Variants in PLCB1 observed in about 807,000 individuals in gnomAD.
PLCB1 encodes phospholipase C beta 1.
A neutral mutation model predicts 161.8 loss-of-function variants in PLCB1; 46 were observed. The ratio of observed to expected loss-of-function variants is 0.28; its 90% CI spans 0.22 to 0.36. The LOEUF (loss-of-function observed/expected upper bound fraction) is 0.36, where lower values mean the gene tolerates loss of function less well. Ranked by LOEUF, PLCB1 falls within the 10% of genes least tolerant of loss-of-function variation. The probability of loss-of-function intolerance (pLI) is 1.00; values close to 1 mark genes in which losing one functional copy is unlikely to be tolerated. For synonymous variants in PLCB1, 517 were observed against 503.7 expected (o/e 1.03, Z -0.35); for missense variants, 1,016 against 1,472.5 (o/e 0.69, Z 5.07).
chr20:8,616,782 A>C (rs914033466), intron 3 of PLCB1, among the ~76,000 whole-genome samples: 1 of 152,218 alleles, frequency 6.6e-6, no homozygotes, highest in African/African-American at 2.4e-5. Flanking sequence ...CATGAGGAGA[A>C]AGCTGCATAA....
At position 8,203,093 on chromosome 20, in the gene PLCB1, A is replaced by G. The variant is rs576907060; in HGVS notation, c.177+52722A>G. Among the ~76,000 whole-genome samples the G allele has an allele frequency of 2.0e-3, 259 of 127,468 alleles. 3 individuals are homozygous for G. The highest frequency in any genetic ancestry group is 6.1e-3 in the African/African-American group (166 of 27,254). The allele number at this position is 127,468 out of a possible 152,430, so 83.6% of individuals were successfully genotyped here. On this transcript the variant is annotated intron_variant, in intron 2 of 31. Coordinates refer to ENST00000338037, the MANE Select transcript of PLCB1 (RefSeq NM_015192.4). Reference sequence around the variant, plus strand: ...GTCATTCTGGGTTGTATGCACACACACGCGCACACACACACACACACGTAC... The same window carrying G: ...GTCATTCTGGGTTGTATGCACACACGCGCGCACACACACACACACACGTAC...
intron 4 of PLCB1, among the ~76,000 whole-genome samples, chr20:8,632,044 T>TTG (rs1568537461): frequency 5.1e-4 from 38 of 74,246 alleles, no homozygotes; most frequent in African/African-American, 1.6e-3. Context: ...GCTTTTTTTT[T>TTG]TTTTTTTTTT....
intron 2 of PLCB1, among the ~76,000 whole-genome samples, chr20:8,181,248 C>CAAAAA (rs60871672): frequency 3.7e-4 from 30 of 81,268 alleles, no homozygotes; most frequent in South Asian, 4.6e-4. Flanking sequence ...GACTCTGTCT[C>CAAAAA]AAAAAAAAAA....
intron 9 of PLCB1, among the ~76,000 whole-genome samples, chr20:8,668,243 A>G (rs1435029864): frequency 6.6e-6 from 1 of 152,172 alleles, no homozygotes; most frequent in Non-Finnish European, 1.5e-5. Context: ...ATAGTAGGGA[A>G]TCCTGCCAGG....
At chr20:8,875,467 TTA>T (rs1403887963) in intron 31 of PLCB1, among the ~76,000 whole-genome samples, 2 of 146,406 alleles carry the variant, frequency 1.4e-5, no homozygotes, top group South Asian at 2.1e-4. Context: ...TATTAATTTA[TTA>T]TGTTTATATT....
intron 3 of PLCB1, chr20:8,600,701 C>A (rs1452378557): frequency 6.6e-6 from 1 of 151,500 alleles, no homozygotes; most frequent in Admixed American, 6.6e-5. Context: ...CCCCCAGCCT[C>A]GCTGCCGCCT....
chr20:8,566,703 G>A (rs1986346370), intron 3 of PLCB1, among the ~76,000 whole-genome samples: 1 of 151,942 alleles, frequency 6.6e-6, no homozygotes, highest in Non-Finnish European at 1.5e-5. Flanking sequence ...AACTGGCTAT[G>A]ATATATGGCT....
At chr20:8,343,621 G>C (rs1368495677) in intron 2 of PLCB1, among the ~76,000 whole-genome samples, 1 of 152,138 alleles carries the variant, frequency 6.6e-6, no homozygotes, top group Non-Finnish European at 1.5e-5. Context: ...GGATCATTTA[G>C]TATACTTCCA....
chr20:8,426,593 T>A (rs1979785077), intron 3 of PLCB1, among the ~76,000 whole-genome samples: 1 of 152,208 alleles, frequency 6.6e-6, no homozygotes, highest in South Asian at 2.1e-4. Context: ...ATATGTAGGA[T>A]GAGCAAGTCT....
At chr20:8,368,387 G>C (rs561960934) in intron 2 of PLCB1, among the ~76,000 whole-genome samples, 1 of 151,750 alleles carries the variant, frequency 6.6e-6, no homozygotes, top group South Asian at 2.1e-4. Flanking sequence ...AATTAGCAGA[G>C]CATTGTGGTG....
chr20:8,865,587 T>G (rs1356078669), intron 31 of PLCB1, among the ~76,000 whole-genome samples: 1 of 152,186 alleles, frequency 6.6e-6, no homozygotes, highest in African/African-American at 2.4e-5. Context: ...TAGTCCAACA[T>G]AAGAGTTTCC....
At chr20:8,182,621 C>T (rs910581723) in intron 2 of PLCB1, among the ~76,000 whole-genome samples, 2 of 149,556 alleles carry the variant, frequency 1.3e-5, no homozygotes, top group African/African-American at 4.9e-5. Flanking sequence ...TACTCTATTG[C>T]CCAGACTGGA....
intron 2 of PLCB1, among the ~76,000 whole-genome samples, chr20:8,364,146 C>G (rs1275236383): frequency 6.6e-6 from 1 of 152,096 alleles, no homozygotes; most frequent in African/African-American, 2.4e-5. Context: ...GGTTCGGTAT[C>G]TTCCTGTATA....
At chr20:8,287,165 TTACTC>T (rs1251212741) in intron 2 of PLCB1, among the ~76,000 whole-genome samples, 22 of 152,242 alleles carry the variant, frequency 1.4e-4, no homozygotes, top group Non-Finnish European at 2.4e-4. Context: ...GTGTGACTCT[TTACTC>T]TATATCCCAA....
chr20:8,788,800 T>C, intron 29 of PLCB1, 78 bp downstream of exon 29: 1 of 914,808 alleles, frequency 1.1e-6, no homozygotes, highest in Non-Finnish European at 1.7e-6. Flanking sequence ...CACAGGTTCA[T>C]AACCAGTCAA....
rs575231877 is a variant in PLCB1, at chr20:8,503,900, A to G, written c.247-124394A>G. Among the ~76,000 whole-genome samples the G allele has an allele frequency of 2.0e-5, 3 of 152,278 alleles. No individual in the cohort carries two copies. In the South Asian group the frequency reaches 6.2e-4, roughly 32 times the overall value. On this transcript the variant is annotated intron_variant, in intron 3 of 31. Transcript: ENST00000338037. ...GTTTCATTCACTCGCCTAATATCTA[A>G]ATTATGTGACTTACAAGCATATGGT...
chr20:8,136,588 T>C lies in PLCB1; in HGVS notation c.99+3838T>C, dbSNP rs886711930. Among the ~76,000 whole-genome samples the C allele has an allele frequency of 1.5e-4, 22 of 149,974 alleles. No homozygotes were observed. The East Asian group carries it at 2.9e-3, about 20-fold the overall frequency. On this transcript the variant is annotated intron_variant, in intron 1 of 31. Coordinates refer to ENST00000338037, the MANE Select transcript of PLCB1 (RefSeq NM_015192.4). ...TTGCAGTGAGCCGAGATCGCGCCAC[T>C]GCACTCCAGCCTGGGCGACAGAGCA...
intron 31 of PLCB1, among the ~76,000 whole-genome samples, chr20:8,840,032 GA>G (rs35917261): frequency 0.34 from 45,968 of 135,596 alleles, 7,950 homozygotes; most frequent in East Asian, 0.65. Context: ...CTCTGTCTCA[GA>G]AAAAAAAAAA....
chr20:8,865,484 A>ATG (rs1987396707), intron 31 of PLCB1, among the ~76,000 whole-genome samples: 1 of 152,240 alleles, frequency 6.6e-6, no homozygotes, highest in Non-Finnish European at 1.5e-5. Context: ...GTATGTGAGA[A>ATG]TGTATTGGTT....
Sources: gnomAD v4.1 joint callset for allele counts (sites outside exome capture counted in the v4.1 genomes callset) on GRCh38, gnomAD v4.1.1 for gene constraint, MANE v1.5 for transcripts, NCBI Gene and HGNC (gene_info 2026-07-23, HGNC 2026-07-21) for gene names.